PTPRD: variants seen among roughly 807,000 people sequenced by gnomAD.
PTPRD encodes the protein receptor-type tyrosine-protein phosphatase delta.
A neutral mutation model predicts 214.5 loss-of-function variants in PTPRD; 34 were observed. That is an observed-to-expected ratio of 0.16 (90% confidence interval 0.12 to 0.21). PTPRD has a LOEUF of 0.21. PTPRD is among the 10% of genes least tolerant of loss of function. PTPRD has a pLI of 1.00. For missense variants in PTPRD, 2,545 were observed against 2,398.7 expected (o/e 1.06, Z -1.27); for synonymous variants, 1,128 against 845.7 (o/e 1.33, Z -5.79).
intron 2 of PTPRD, among the ~76,000 whole-genome samples, chr9:10,438,306 T>C (rs906192720): frequency 1.3e-5 from 2 of 151,608 alleles, no homozygotes; most frequent in African/African-American, 2.4e-5. Flanking sequence ...AAGGGTTCCA[T>C]TTATGATTTT....
Position 10,452,541 on chromosome 9 carries a change from T to A in PTPRD, c.-599-111524A>T, listed in dbSNP as rs147744069. Among the ~76,000 whole-genome samples the A allele has an allele frequency of 6.1e-3, 934 of 152,000 alleles. 8 individuals are homozygous for A. The highest frequency in any genetic ancestry group is 0.021 in the African/African-American group (876 of 41,542). On this transcript the variant is annotated intron_variant, in intron 2 of 45. Transcript: ENST00000381196. ...ACATGTGGGAAGGAATATCTCATTG[T>A]ACTTTTGATATGCATTTTCCTGATT...
intron 2 of PTPRD, among the ~76,000 whole-genome samples, chr9:10,380,257 A>T (rs1278030598): frequency 1.3e-5 from 2 of 152,232 alleles, no homozygotes; most frequent in African/African-American, 2.4e-5. Flanking sequence ...TGTCTTTCCT[A>T]AAACGCTTTG....
chr9:9,049,643 T>C (rs2099680838), intron 10 of PTPRD, among the ~76,000 whole-genome samples: 1 of 152,222 alleles, frequency 6.6e-6, no homozygotes, highest in South Asian at 2.1e-4. Context: ...GAGTGGGCAT[T>C]TGAATAGCAG....
chr9:8,451,767 CTAA>C, intron 33 of PTPRD: 1 of 372,888 alleles, frequency 2.7e-6, no homozygotes. Flanking sequence ...CATTTCTTTA[CTAA>C]TGTGTCAGGC....
At chr9:9,880,758 C>A (rs944599114) in intron 5 of PTPRD, among the ~76,000 whole-genome samples, 1 of 152,088 alleles carries the variant, frequency 6.6e-6, no homozygotes, top group African/African-American at 2.4e-5. Context: ...AGTGGTGAGA[C>A]TATTAAATTC....
chr9:8,951,606 T>C (rs2099102603), intron 11 of PTPRD, among the ~76,000 whole-genome samples: 1 of 152,000 alleles, frequency 6.6e-6, no homozygotes, highest in Non-Finnish European at 1.5e-5. Context: ...ATGTTCTTTA[T>C]TGCACTGCTA....
At position 9,093,900 on chromosome 9, in the gene PTPRD, T is replaced by TA. The variant is rs1156707963; in HGVS notation, c.-142-75166dup. On this transcript the variant is annotated intron_variant, in intron 10 of 45. Coordinates refer to ENST00000381196, the MANE Select transcript of PTPRD (RefSeq NM_002839.4). ...AAAAACAGTTCTATAAAAAGATCAG[T>TA]AAAATTGATAAACTTCTAGCCAGAG... is the stretch of plus-strand genomic sequence containing the variant. Among the ~76,000 whole-genome samples the TA allele has an allele frequency of 2.0e-5, 3 of 150,386 alleles. No homozygotes were observed. In the East Asian group the frequency reaches 5.9e-4, roughly 30 times the overall value.
At chr9:9,036,255 C>G (rs1252241321) in intron 10 of PTPRD, among the ~76,000 whole-genome samples, 1 of 148,842 alleles carries the variant, frequency 6.7e-6, no homozygotes, top group Non-Finnish European at 1.5e-5. Context: ...CTAGGGATTT[C>G]CAGAACATTT....
chr9:9,793,529 T>G (rs2153478939), intron 5 of PTPRD, among the ~76,000 whole-genome samples: 1 of 152,296 alleles, frequency 6.6e-6, no homozygotes, highest in East Asian at 1.9e-4. Context: ...TGTCAACATG[T>G]GTTTCCTAAA....
chr9:8,347,439 G>A (rs1328784643), intron 39 of PTPRD, among the ~76,000 whole-genome samples: 1 of 152,132 alleles, frequency 6.6e-6, no homozygotes, highest in Non-Finnish European at 1.5e-5. Flanking sequence ...GATCTTTCCT[G>A]TCGGAGCTTA....
At chr9:9,575,538 G>T (rs775658873) in intron 7 of PTPRD, among the ~76,000 whole-genome samples, 2 of 151,326 alleles carry the variant, frequency 1.3e-5, no homozygotes, top group African/African-American at 4.9e-5. Flanking sequence ...GGCCAATATG[G>T]TGAAACCCTG....
chr9:9,983,652 AC>A (rs2095615874), intron 4 of PTPRD, among the ~76,000 whole-genome samples: 1 of 152,238 alleles, frequency 6.6e-6, no homozygotes, highest in Non-Finnish European at 1.5e-5. Flanking sequence ...AATGACACTT[AC>A]ACTCTCTCTA....
chr9:8,729,657 T>C (rs1352883034), intron 12 of PTPRD, among the ~76,000 whole-genome samples: 2 of 152,034 alleles, frequency 1.3e-5, no homozygotes, highest in African/African-American at 4.8e-5. Context: ...ATTTTAAAAA[T>C]AGGAAAACTG....
intron 14 of PTPRD, among the ~76,000 whole-genome samples, chr9:8,529,292 G>T (rs143424545): frequency 6.6e-6 from 1 of 151,994 alleles, no homozygotes; most frequent in Non-Finnish European, 1.5e-5. Context: ...GCTAGGTCAC[G>T]CTATCTGTTT....
chr9:9,145,531 G>T (rs973876071), intron 10 of PTPRD, among the ~76,000 whole-genome samples: 2 of 152,008 alleles, frequency 1.3e-5, no homozygotes, highest in African/African-American at 4.8e-5. Context: ...AGAATAAAAA[G>T]ATATAAACTA....
chr9:10,045,394 G>A (rs980809412), intron 3 of PTPRD, among the ~76,000 whole-genome samples: 2 of 151,786 alleles, frequency 1.3e-5, no homozygotes, highest in East Asian at 3.9e-4. Context: ...TCTGTATAAA[G>A]TGGCTACCGT....
chr9:8,960,915 C>G (rs909335710), intron 11 of PTPRD, among the ~76,000 whole-genome samples: 1 of 152,018 alleles, frequency 6.6e-6, no homozygotes, highest in Admixed American at 6.6e-5. Context: ...ATTAATAAAT[C>G]TATTCATTAA....
At chr9:9,841,160 A>C (rs1255999409) in intron 5 of PTPRD, among the ~76,000 whole-genome samples, 4 of 152,176 alleles carry the variant, frequency 2.6e-5, no homozygotes, top group Non-Finnish European at 5.9e-5. Context: ...AAAAATATCT[A>C]AATTATTTTG....
chr9:10,386,321 T>C (rs997641820), intron 2 of PTPRD, among the ~76,000 whole-genome samples: 2 of 151,846 alleles, frequency 1.3e-5, no homozygotes, highest in Admixed American at 1.3e-4. Flanking sequence ...ATACAATGGA[T>C]ATTTTGGTCT....
Sources: allele counts gnomAD v4.1 joint callset (sites outside exome capture counted in the v4.1 genomes callset), GRCh38; gene constraint gnomAD v4.1.1; transcripts MANE v1.5; gene names NCBI Gene and HGNC (gene_info 2026-07-23, HGNC 2026-07-21).